The following RNF213 variants were observed in gnomAD, a reference collection of about 807,000 sequenced individuals.
RNF213 encodes the protein E3 ubiquitin-protein ligase RNF213.
Under a neutral mutation model 514.4 loss-of-function variants are expected in RNF213, and 341 were observed. The observed-to-expected ratio is 0.66, with a 90% confidence interval of 0.61 to 0.73. The LOEUF (loss-of-function observed/expected upper bound fraction) is 0.73. RNF213 is among the 30% of genes least tolerant of loss of function. The pLI, the probability that RNF213 is intolerant of heterozygous loss-of-function variation, is 0.00. For synonymous variants in RNF213, 2,655 were observed against 2,658.2 expected (o/e 1.00, Z 0.04); for missense variants, 5,767 against 6,615.6 (o/e 0.87, Z 4.45).
intron 23 of RNF213, chr17:80,336,954 TGTA>T (rs1343421596): frequency 1.5e-5 from 3 of 193,724 alleles, no homozygotes; most frequent in African/African-American, 7.2e-5. Flanking sequence ...GTAAACTACC[TGTA>T]GCAGGGTCTG....
rs2079079301 is a variant in RNF213, at chr17:80,362,139, C to A, written c.11355+251C>A. 2.6e-5 allele frequency among the ~76,000 whole-genome samples: 4 copies of A among 152,288 alleles called. No homozygotes were observed. In the South Asian group the frequency reaches 8.3e-4, roughly 32 times the overall value. The stretch of plus-strand genomic sequence containing the variant: ...CTTTCTGTGAACATGAGAAGACCTC[C>A]AATTTCCTTGACATAGCTTCTTTTT... On this transcript the variant is annotated intron_variant, in intron 39 of 67. Coordinates refer to ENST00000582970, the MANE Select transcript of RNF213 (RefSeq NM_001256071.3).
rs1568040087 is a variant in RNF213, at chr17:80,306,454, GT to G, written c.2414del (p.Val805AlafsTer2). On this transcript the variant is annotated frameshift_variant, in exon 12 of 68. Transcript: ENST00000582970. LOFTEE classifies it high-confidence loss of function. The stretch of plus-strand genomic sequence containing the variant: ...CTACCGGCTTCCGGGACTTGAGCAA[GT>G]CTTGAATACGCAGGTTTGTGTCTGA... ...IYYRLPGLEQ[V>X]LNTQDVQDVQ... 6.2e-7 allele frequency: 1 copy of G among 1,614,122 alleles called. No homozygotes were observed. The highest frequency in any genetic ancestry group is 8.5e-7 in the Non-Finnish European group (1 of 1,180,028).
intron 23 of RNF213, 126 bp downstream of exon 23, chr17:80,336,504 A>G (rs1305055156): frequency 1.2e-6 from 1 of 833,152 alleles, no homozygotes; most frequent in Admixed American, 2.0e-5. Flanking sequence ...GTTTTCAATG[A>G]TATTTAAAAA....
At position 80,383,697 on chromosome 17, in the gene RNF213, C is replaced by T. The variant is rs751007535; in HGVS notation, c.14091C>T (p.Pro4697=). The T allele has an allele frequency of 1.2e-6, 2 of 1,614,058 alleles. No individual in the cohort carries two copies. Among genetic ancestry groups the T allele is most frequent in the African/African-American group, 1.3e-5 (1 of 74,992 alleles). ...PELEHLDKTL[P]TMNNLISQDK... Reference sequence around the variant, plus strand: ...TCCAGCATCTAGATAAAACCCTTCCCACCATGAATAATCTCATCAGCCAAG... The same window carrying T: ...TCCAGCATCTAGATAAAACCCTTCCTACCATGAATAATCTCATCAGCCAAG... The change falls in exon 59 of 68, where the codon CCC becomes CCT. Residue 4697 remains proline, a synonymous_variant. Transcript: ENST00000582970.
intron 16 of RNF213, among the ~76,000 whole-genome samples, chr17:80,318,109 G>T (rs116623471): frequency 0.011 from 1,738 of 152,232 alleles, 23 homozygotes; most frequent in Middle Eastern, 0.034. Context: ...TCCCTCTGAA[G>T]TCAAGTCACC....
intron 20 of RNF213, among the ~76,000 whole-genome samples, chr17:80,330,788 G>C (rs1384892243): frequency 6.6e-6 from 1 of 152,208 alleles, no homozygotes; most frequent in Non-Finnish European, 1.5e-5. Context: ...GCTGTGTCAG[G>C]GCATTGGGGT....
intron 2 of RNF213, among the ~76,000 whole-genome samples, chr17:80,270,720 G>A (rs989924568): frequency 5.9e-5 from 9 of 152,108 alleles, no homozygotes; most frequent in Non-Finnish European, 1.3e-4. Context: ...TATGATTGTT[G>A]GGACTGTTTA....
chr17:80,389,498 G>A (rs751702656), intron 65 of RNF213, 131 bp downstream of exon 65: 2 of 806,322 alleles, frequency 2.5e-6, no homozygotes, highest in Non-Finnish European at 4.2e-6. Flanking sequence ...AAGAACAACT[G>A]CTCACCCAGT....
In RNF213 at chr17:80,273,101, C is replaced by T. The variant is rs923649146; in HGVS notation, c.98-140C>T. 8.7e-5 allele frequency: 98 copies of T among 1,126,944 alleles called. 2 individuals carry two copies. In the South Asian group the frequency reaches 1.2e-3, roughly 14 times the overall value. The allele number at this position is 1,126,944 out of a possible 1,614,324, so 69.8% of individuals were successfully genotyped here. Reference sequence around the variant, plus strand: ...CCTGGAGCAGAACCCCTACCCTGCTCATGTTAGCAGGCCCAATGCAGGACC... The same window carrying T: ...CCTGGAGCAGAACCCCTACCCTGCTTATGTTAGCAGGCCCAATGCAGGACC... On this transcript the variant is annotated intron_variant, in intron 2 of 67. Coordinates refer to ENST00000582970, the MANE Select transcript of RNF213 (RefSeq NM_001256071.3).
intron 67 of RNF213, among the ~76,000 whole-genome samples, chr17:80,390,490 A>T (rs1364670412): frequency 6.7e-6 from 1 of 149,882 alleles, no homozygotes; most frequent in African/African-American, 2.5e-5. Context: ...TCTGCCTCCC[A>T]GGTTCAAGCG....
chr17:80,265,087 C>A (rs1335117725), intron 2 of RNF213, among the ~76,000 whole-genome samples: 12 of 136,990 alleles, frequency 8.8e-5, no homozygotes, highest in Middle Eastern at 3.8e-3. Context: ...GTTCTTGTTG[C>A]TCTGGCTAGA....
At chr17:80,391,297 G>A (rs1423181648) in intron 67 of RNF213, among the ~76,000 whole-genome samples, 1 of 151,936 alleles carries the variant, frequency 6.6e-6, no homozygotes, top group Non-Finnish European at 1.5e-5. Context: ...TTTTGAGACC[G>A]TGTCTCACTC....
At chr17:80,320,658 G>A (rs1427468167) in intron 17 of RNF213, 1 of 152,058 alleles carries the variant, frequency 6.6e-6, no homozygotes, top group Non-Finnish European at 1.5e-5. Flanking sequence ...CCGAAGTGCC[G>A]AGATTACAGG....
chr17:80,271,835 C>T (rs538793139), intron 2 of RNF213, among the ~76,000 whole-genome samples: 3 of 151,946 alleles, frequency 2.0e-5, no homozygotes, highest in South Asian at 4.1e-4. Flanking sequence ...AAAAAATTAG[C>T]TGGGTGTGGT....
intron 20 of RNF213, among the ~76,000 whole-genome samples, chr17:80,329,618 T>C (rs966085965): frequency 1.3e-5 from 2 of 152,126 alleles, no homozygotes; most frequent in African/African-American, 4.8e-5. Context: ...TGCTTGAGTC[T>C]AGGAGTTTGA....
chr17:80,352,969 C>G lies in RNF213; in HGVS notation c.10333C>G (p.Leu3445Val). Residue 3445 changes from leucine (L) to valine (V), a missense_variant, in exon 33 of 68, where the codon CTC (leucine) becomes GTC (valine). By Grantham distance (32) the Leu-to-Val change is conservative (BLOSUM62 1). Around this residue, in one of 13 missense-constraint regions of RNF213, gnomAD observed 919 missense variants for 1,121.0 expected, o/e 0.82. Transcript: ENST00000582970. The part of the protein sequence containing the change: ...GLWQSVHIDD[L>V]RRSTLMVSDV... ...GTGGCAGTCTGTCCACATCGATGAC[C>G]TCCGGAGATCCACCCTCATGGTTTC... 6.2e-7 allele frequency: 1 copy of G among 1,614,062 alleles called. No individual in the cohort carries two copies. Among genetic ancestry groups the G allele is most frequent in the South Asian group, 1.1e-5 (1 of 91,088 alleles).
At chr17:80,387,953 A>AT (rs35624579) in intron 63 of RNF213, among the ~76,000 whole-genome samples, 3,157 of 111,050 alleles carry the variant, frequency 0.028, 60 homozygotes, top group Middle Eastern at 0.05. Flanking sequence ...GAGCCCATGG[A>AT]TTTTTTTTTT....
intron 26 of RNF213, chr17:80,340,608 G>GTTTTTTTTTTT (rs1203042611): frequency 8.9e-6 from 2 of 224,576 alleles, no homozygotes; most frequent in Non-Finnish European, 8.1e-6. Context: ...TGTACTTTGT[G>GTTTTTTTTTTT]GTTTTTTTTT....
intron 3 of RNF213, among the ~76,000 whole-genome samples, chr17:80,282,815 A>G (rs1344509215): frequency 6.6e-6 from 1 of 152,148 alleles, no homozygotes; most frequent in East Asian, 1.9e-4. Flanking sequence ...CTCCTGCCTC[A>G]GCCTCTAGAG....
Sources: gnomAD v4.1 joint callset for allele counts (sites outside exome capture counted in the v4.1 genomes callset) on GRCh38, gnomAD v4.1.1 for gene constraint, gnomAD v4.1.1 regional missense constraint, MANE v1.5 for transcripts, NCBI Gene and HGNC (gene_info 2026-07-23, HGNC 2026-07-21) for gene names.